The following USP32 variants were observed in gnomAD, a reference collection of about 807,000 sequenced individuals.
USP32 encodes ubiquitin specific peptidase 32, also known as ubiquitin carboxyl-terminal hydrolase 32.
A neutral mutation model predicts 204.8 loss-of-function variants in USP32; 59 were observed. The ratio of observed to expected loss-of-function variants is 0.29; its 90% CI spans 0.23 to 0.36. USP32 has a LOEUF of 0.36. Among genes scored for constraint, USP32 ranks in the 10% least tolerant of loss-of-function variants. The pLI is 1.00. For synonymous variants in USP32, 517 were observed against 678.4 expected (o/e 0.76, Z 3.70); for missense variants, 1,160 against 1,946.4 (o/e 0.60, Z 7.60).
Position 60,212,084 on chromosome 17 carries a change from T to C in USP32, c.2119A>G (p.Met707Val). 1 of 1,608,910 alleles carries C rather than the reference T, an allele frequency of 6.2e-7. No homozygotes were observed. Among genetic ancestry groups the C allele is most frequent in the African/African-American group, 1.3e-5 (1 of 74,672 alleles). ...HLVIEVRNKD[M>V]SWPEEMSFIA... ...AAAGACATCTCCTCAGGCCAACTCA[T>C]ATCTTTGTTGCGAACTGGAAGGACA... Residue 707 changes from methionine to valine, a missense_variant, in exon 19 of 34, where the codon ATG becomes GTG. Met to Val is a conservative substitution (Grantham distance 21). Transcript: ENST00000300896.
intron 1 of USP32, among the ~76,000 whole-genome samples, chr17:60,347,128 T>A (rs912366722): frequency 1.3e-5 from 2 of 151,880 alleles, no homozygotes; most frequent in Non-Finnish European, 2.9e-5. Context: ...TTGGGAAATA[T>A]CCAGAGGGTC....
rs1425677252 is a variant in USP32, at chr17:60,294,730, C to T, written c.364G>A (p.Val122Met). The stretch of plus-strand genomic sequence containing the variant: ...GTATCTGGGACTTTACCATCCACCA[C>T]GTGGAGCATTCTTTCCATTTCTTCC... ...IREEMERMLH[V>M]VDGKVPDTLR... Residue 122 changes from valine to methionine, a missense_variant, in exon 4 of 34, where the codon GTG becomes ATG. Coordinates refer to ENST00000300896, the MANE Select transcript of USP32 (RefSeq NM_032582.4). The T allele has an allele frequency of 6.2e-6, 10 of 1,612,806 alleles. No individual in the cohort carries two copies. The highest frequency in any genetic ancestry group is 1.7e-5 in the Admixed American group (1 of 59,902).
At chr17:60,415,137 T>C (rs941715733) in intron 1 of USP32, among the ~76,000 whole-genome samples, 2 of 152,188 alleles carry the variant, frequency 1.3e-5, no homozygotes, top group African/African-American at 4.8e-5. Flanking sequence ...TTGCTTAGTC[T>C]CACTTGCAGC....
At chr17:60,419,836 A>G (rs2090094108) in intron 1 of USP32, among the ~76,000 whole-genome samples, 2 of 143,158 alleles carry the variant, frequency 1.4e-5, no homozygotes, top group South Asian at 4.3e-4. Flanking sequence ...TATTATTATT[A>G]TTATTATTAT....
intron 1 of USP32, among the ~76,000 whole-genome samples, chr17:60,369,003 T>C (rs2089378478): frequency 7.8e-6 from 1 of 127,582 alleles, no homozygotes; most frequent in Non-Finnish European, 1.5e-5. Flanking sequence ...TTTTTTTTTT[T>C]TTTTTTTTTG....
intron 26 of USP32, among the ~76,000 whole-genome samples, chr17:60,201,728 G>A (rs1027502617): frequency 6.7e-6 from 1 of 150,346 alleles, no homozygotes; most frequent in Admixed American, 6.7e-5. Flanking sequence ...GCATGATCTC[G>A]GCCCATTGCA....
At chr17:60,421,888 C>T in intron 1 of USP32, 3 of 985,478 alleles carry the variant, frequency 3.0e-6, no homozygotes, top group Non-Finnish European at 3.6e-6. Context: ...CGCGTCTCAG[C>T]GCCTCCTGTG....
intron 11 of USP32, among the ~76,000 whole-genome samples, chr17:60,238,493 C>G (rs2085792498): frequency 6.6e-6 from 1 of 151,782 alleles, no homozygotes; most frequent in Non-Finnish European, 1.5e-5. Flanking sequence ...CATGGCAAAC[C>G]CTCATCTCTA....
At position 60,294,713 on chromosome 17, in the gene USP32, G is replaced by A; in HGVS notation, c.381C>T (p.Val127=). The change falls in exon 4 of 34, where the codon GTC becomes GTT. Residue 127 remains valine, a synonymous_variant. Transcript: ENST00000300896. ...ERMLHVVDGK[V]PDTLRKCFSE... is the part of the protein sequence containing the mutation. ...AGAAACACTTCCTGAGTGTATCTGGGACTTTACCATCCACCACGTGGAGCA... is the reference window on the plus strand; with the variant it reads ...AGAAACACTTCCTGAGTGTATCTGGAACTTTACCATCCACCACGTGGAGCA... The A allele has an allele frequency of 6.2e-7, 1 of 1,611,922 alleles. No homozygotes were observed. Among genetic ancestry groups the A allele is most frequent in the Non-Finnish European group, 8.5e-7 (1 of 1,178,590 alleles).
chr17:60,269,246 A>G (rs1226304010), intron 7 of USP32, among the ~76,000 whole-genome samples: 1 of 152,228 alleles, frequency 6.6e-6, no homozygotes, highest in Non-Finnish European at 1.5e-5. Flanking sequence ...AATAGCAAAT[A>G]TCCCAAACTA....
intron 1 of USP32, among the ~76,000 whole-genome samples, chr17:60,410,907 C>T (rs1159343574): frequency 9.2e-5 from 14 of 151,426 alleles, no homozygotes; most frequent in Non-Finnish European, 1.6e-4. Flanking sequence ...GGTGAAGCCC[C>T]GTTTCTACTA....
rs1439194210 is a variant in USP32, at chr17:60,398,821, A to AT, written c.106+23424_106+23425insA. On this transcript the variant is annotated intron_variant, in intron 1 of 3. Transcript: ENST00000588898. ...TGCAAGACCCTGTCTCTACAAAAAA[A>AT]AAAAATTTAATTAGCTGGGTGTAGT... 3.9e-5 allele frequency among the ~76,000 whole-genome samples: 6 copies of AT among 152,004 alleles called. No individual in the cohort carries two copies. The East Asian group carries it at 9.7e-4, about 24-fold the overall frequency.
chr17:60,418,567 A>C (rs943188417), intron 1 of USP32, among the ~76,000 whole-genome samples: 6 of 152,132 alleles, frequency 3.9e-5, no homozygotes, highest in Admixed American at 6.6e-5. Context: ...TCAATAGAGT[A>C]AACAGACAAC....
chr17:60,295,162 C>A (rs2087395100), intron 3 of USP32, among the ~76,000 whole-genome samples: 1 of 151,940 alleles, frequency 6.6e-6, no homozygotes, highest in Non-Finnish European at 1.5e-5. Flanking sequence ...AACTCCACTT[C>A]CATCTTTGAA....
chr17:60,373,885 T>C (rs1347439666), intron 1 of USP32, among the ~76,000 whole-genome samples: 1 of 152,232 alleles, frequency 6.6e-6, no homozygotes, highest in African/African-American at 2.4e-5. Flanking sequence ...AAGTTTTTAC[T>C]ATTCATGTTT....
chr17:60,322,513 T>C (rs2088138514), intron 2 of USP32, among the ~76,000 whole-genome samples: 1 of 152,176 alleles, frequency 6.6e-6, no homozygotes, highest in South Asian at 2.1e-4. Flanking sequence ...AAATAGATTG[T>C]AATAAATAGA....
At chr17:60,235,841 A>G (rs1160987896) in intron 12 of USP32, among the ~76,000 whole-genome samples, 1 of 152,196 alleles carries the variant, frequency 6.6e-6, no homozygotes, top group Non-Finnish European at 1.5e-5. Context: ...TCTTCCTCAC[A>G]AGGGTGGTGC....
chr17:60,369,925 A>C (rs914134809), intron 1 of USP32, among the ~76,000 whole-genome samples: 2 of 152,160 alleles, frequency 1.3e-5, no homozygotes, highest in Admixed American at 1.3e-4. Context: ...GATTTTGTAG[A>C]GACAAGGTCT....
chr17:60,214,885 A>G, intron 16 of USP32, 111 bp from the exon 17 acceptor site: 1 of 1,507,648 alleles, frequency 6.6e-7, no homozygotes, highest in Admixed American at 2.2e-5. Flanking sequence ...AATGAGAATT[A>G]CAGGTGTAAT....
Sources: gnomAD v4.1 joint callset for allele counts (sites outside exome capture counted in the v4.1 genomes callset) on GRCh38, gnomAD v4.1.1 for gene constraint, MANE v1.5 for transcripts, NCBI Gene and HGNC (gene_info 2026-07-23, HGNC 2026-07-21) for gene names.